HHAT: variants seen among roughly 807,000 people sequenced by gnomAD.
HHAT encodes the protein hedgehog acyltransferase.
HHAT carries 47 observed loss-of-function variants against 70.8 expected under a neutral mutation model. The ratio of observed to expected loss-of-function variants is 0.66; its 90% CI spans 0.53 to 0.85. HHAT has a LOEUF of 0.85. Ranked by LOEUF, HHAT falls within the 40% of genes least tolerant of loss-of-function variation. The pLI, the probability that HHAT is intolerant of heterozygous loss-of-function variation, is 0.00. For missense variants in HHAT, 609 were observed against 604.8 expected, an observed-to-expected ratio of 1.01 and a Z score of -0.07; for synonymous variants, 228 against 247.6, an observed-to-expected ratio of 0.92 and a Z score of 0.74.
chr1:210,483,327 G>A (rs1363403459), intron 8 of HHAT, among the ~76,000 whole-genome samples: 1 of 152,166 alleles, frequency 6.6e-6, no homozygotes, highest in East Asian at 1.9e-4. Context: ...GTAATTTCAT[G>A]ATGTGTTCTG....
At chr1:210,450,706 C>A (rs1298551847) in intron 7 of HHAT, among the ~76,000 whole-genome samples, 2 of 149,540 alleles carry the variant, frequency 1.3e-5, no homozygotes, top group Non-Finnish European at 3.0e-5. Flanking sequence ...ATAAAATGTA[C>A]AAACAGCTTT....
At chr1:210,518,737 G>A (rs567607523) in intron 9 of HHAT, among the ~76,000 whole-genome samples, 1 of 152,254 alleles carries the variant, frequency 6.6e-6, no homozygotes, top group South Asian at 2.1e-4. Context: ...AGGTTGCAGT[G>A]AGCTGAGATC....
chr1:210,464,784 T>G, intron 8 of HHAT, 129 bp downstream of exon 8: 1 of 884,180 alleles, frequency 1.1e-6, no homozygotes, highest in Non-Finnish European at 1.7e-6. Flanking sequence ...GGCATCCATT[T>G]CTTCATCCTA....
At chr1:210,331,540 C>T (rs2084986921) in intron 1 of HHAT, among the ~76,000 whole-genome samples, 1 of 152,106 alleles carries the variant, frequency 6.6e-6, no homozygotes, top group Non-Finnish European at 1.5e-5. Flanking sequence ...AGTCAATTCA[C>T]CTGGCTTATT....
intron 9 of HHAT, among the ~76,000 whole-genome samples, chr1:210,526,597 C>T (rs573343595): frequency 2.6e-5 from 4 of 152,138 alleles, no homozygotes; most frequent in African/African-American, 7.2e-5. Context: ...TCTAGACTGC[C>T]GTACCTCTCT....
intron 9 of HHAT, among the ~76,000 whole-genome samples, chr1:210,576,766 C>T (rs935817281): frequency 2.6e-5 from 4 of 152,172 alleles, no homozygotes; most frequent in Admixed American, 1.3e-4. Flanking sequence ...ATAAACCTTT[C>T]ATGTGTATGC....
chr1:210,479,092 A>G (rs1304318570), intron 8 of HHAT, among the ~76,000 whole-genome samples: 5 of 152,188 alleles, frequency 3.3e-5, no homozygotes, highest in African/African-American at 1.2e-4. Context: ...TTTTATCAGC[A>G]TCACACTGAA....
At chr1:210,379,264 C>CA (rs1171209548) in intron 3 of HHAT, among the ~76,000 whole-genome samples, 290 of 152,318 alleles carry the variant, frequency 1.9e-3, no homozygotes, top group Middle Eastern at 0.01. Flanking sequence ...ACAGACCATA[C>CA]ATTGTTTCTT....
chr1:210,380,163 G>T (rs1337980111), intron 3 of HHAT, among the ~76,000 whole-genome samples: 1 of 152,116 alleles, frequency 6.6e-6, no homozygotes, highest in African/African-American at 2.4e-5. Flanking sequence ...GTTTATTGAA[G>T]AATACAATGC....
Position 210,372,839 on chromosome 1 carries a change from C to T in HHAT, c.159+9920C>T, listed in dbSNP as rs146321167. On this transcript the variant is annotated intron_variant, in intron 3 of 11. Coordinates refer to ENST00000261458, the MANE Select transcript of HHAT (RefSeq NM_018194.6). Reference sequence around the variant, plus strand: ...CCTCCCAAAGTGTTGGGATTACAGGCGTGAGCCACTGTACCTGGCCTCAAG... The same window carrying T: ...CCTCCCAAAGTGTTGGGATTACAGGTGTGAGCCACTGTACCTGGCCTCAAG... 1.5e-3 allele frequency among the ~76,000 whole-genome samples: 223 copies of T among 148,276 alleles called. 1 individual carries two copies. The highest frequency in any genetic ancestry group is 2.4e-3 in the Non-Finnish European group (161 of 67,624).
At chr1:210,616,309 T>C (rs944947849) in intron 10 of HHAT, among the ~76,000 whole-genome samples, 8 of 152,230 alleles carry the variant, frequency 5.3e-5, no homozygotes, top group Admixed American at 2.6e-4. Context: ...ATTGAAATTT[T>C]GAATCCTTTG....
intron 3 of HHAT, among the ~76,000 whole-genome samples, chr1:210,387,249 C>T (rs2273010): frequency 7.2e-5 from 11 of 152,190 alleles, no homozygotes; most frequent in South Asian, 4.2e-4. Flanking sequence ...GCAATCATTC[C>T]GGTTAGGTTG....
intron 10 of HHAT, among the ~76,000 whole-genome samples, chr1:210,614,025 A>G (rs1465575467): frequency 1.6e-5 from 2 of 127,762 alleles, no homozygotes; most frequent in African/African-American, 5.1e-5. Flanking sequence ...CCTCAAAAAA[A>G]AAAAAAAAAA....
In HHAT at chr1:210,671,201, C is replaced by A. The variant is rs1335589115; in HGVS notation, c.1391-3087C>A. Among the ~76,000 whole-genome samples the A allele has an allele frequency of 3.3e-5, 5 of 152,194 alleles. No homozygotes were observed. In the East Asian group the frequency reaches 9.6e-4, roughly 29 times the overall value. ...CCCATTGGCCCATCTTCACAGCTGG[C>A]CTCTGGGCTCCATGTTTACCAAACA... On this transcript the variant is annotated intron_variant, in intron 11 of 11. Coordinates refer to ENST00000261458, the MANE Select transcript of HHAT (RefSeq NM_018194.6).
intron 11 of HHAT, among the ~76,000 whole-genome samples, chr1:210,649,315 C>G (rs1336660470): frequency 6.6e-6 from 1 of 152,240 alleles, no homozygotes; most frequent in East Asian, 1.9e-4. Context: ...CATGATTTTT[C>G]TAAGCATGGC....
intron 11 of HHAT, chr1:210,631,299 A>T (rs1670819631): frequency 2.8e-6 from 1 of 358,110 alleles, no homozygotes; most frequent in Non-Finnish European, 5.5e-6. Context: ...TATCAGAGAC[A>T]GTCTAAAGTG....
At chr1:210,454,063 A>T (rs2093810725) in intron 7 of HHAT, among the ~76,000 whole-genome samples, 1 of 152,176 alleles carries the variant, frequency 6.6e-6, no homozygotes, top group African/African-American at 2.4e-5. Context: ...ATCTTGTGAG[A>T]CTTACTATCA....
intron 11 of HHAT, chr1:210,631,000 G>A (rs892464117): frequency 8.9e-6 from 4 of 450,764 alleles, no homozygotes; most frequent in Non-Finnish European, 1.8e-5. Context: ...GTTACAGGAG[G>A]TTTATTTTTA....
At chr1:210,336,244 C>T (rs1404293467) in intron 1 of HHAT, among the ~76,000 whole-genome samples, 1 of 149,790 alleles carries the variant, frequency 6.7e-6, no homozygotes, top group Non-Finnish European at 1.5e-5. Context: ...TGCAGCCCAC[C>T]TGAGTAGCTG....
Sources: gnomAD v4.1 joint callset for allele counts (sites outside exome capture counted in the v4.1 genomes callset) on GRCh38, gnomAD v4.1.1 for gene constraint, MANE v1.5 for transcripts, NCBI Gene and HGNC (gene_info 2026-07-23, HGNC 2026-07-21) for gene names.